The following DLG4 variants were observed in gnomAD, a reference collection of about 807,000 sequenced individuals.
DLG4 encodes discs large MAGUK scaffold protein 4, also known as disks large homolog 4.
A neutral mutation model predicts 93.8 loss-of-function variants in DLG4; 7 were observed. The observed-to-expected ratio is 0.07, with a 90% CI of 0.04 to 0.14. The LOEUF is 0.14. DLG4 is among the 10% of genes least tolerant of loss of function. The pLI is 1.00. For missense variants in DLG4, 545 were observed against 992.9 expected (o/e 0.55, Z 6.06); for synonymous variants, 341 against 387.6 (o/e 0.88, Z 1.41).
Position 7,196,568 on chromosome 17 carries a change from C to G in DLG4, c.1091G>C (p.Gly364Ala). 6.2e-7 allele frequency: 1 copy of G among 1,613,874 alleles called. No homozygotes were observed. The highest frequency in any genetic ancestry group is 8.5e-7 in the Non-Finnish European group (1 of 1,179,764). ...RKGDQILSVN[G>A]VDLRNASHEQ... ...ATGGCTGGCATTTCGGAGGTCCACA[C>G]CGTTGACCTAGAGAGAGGACGACAG... The change falls in exon 10 of 20, where the codon GGT becomes GCT. Residue 364 changes from glycine to alanine, a missense_variant. Coordinates refer to ENST00000399506, the MANE Select transcript of DLG4 (RefSeq NM_001321075.3). This position sits in a 1 kb window ranked among gnomAD's most constrained non-coding sequence, Gnocchi z 8.3.
At chr17:7,204,581 G>A (rs1403697651) in intron 2 of DLG4, among the ~76,000 whole-genome samples, 1 of 152,016 alleles carries the variant, frequency 6.6e-6, no homozygotes, top group Non-Finnish European at 1.5e-5. Flanking sequence ...GCAAAGAGTG[G>A]GGAGAGGGGG....
At chr17:7,213,913 G>A (rs944452089) in intron 1 of DLG4, 5 of 468,868 alleles carry the variant, frequency 1.1e-5, no homozygotes, top group African/African-American at 8.0e-5. Context: ...AGGATCCAAG[G>A]AGTCAGTGCG....
intron 1 of DLG4, among the ~76,000 whole-genome samples, chr17:7,209,016 C>T (rs1250709074): frequency 6.6e-6 from 1 of 152,142 alleles, no homozygotes; most frequent in Non-Finnish European, 1.5e-5. Context: ...GCTATAAGGG[C>T]ATGGGCTGGG....
rs374318389 is a variant in DLG4 at position 7,193,683 on chromosome 17, T to C, written c.1575A>G (p.Thr525=). ...AGGGCTCACCTTCCATCTGCGTCAC[T>C]GTCTCGTAGCTCAGAACCGAGTCTT... ...GREDSVLSYE[T]VTQMEVHYAR... Residue 525 remains threonine, a synonymous_variant, in exon 15 of 20, where the codon ACA becomes ACG. Coordinates refer to ENST00000399506, the MANE Select transcript of DLG4 (RefSeq NM_001321075.3). This position sits in a 1 kb window ranked among gnomAD's most constrained non-coding sequence, Gnocchi z 6.7. 28 of 1,555,076 alleles carry C rather than the reference T, an allele frequency of 1.8e-5. No homozygotes were observed. Among genetic ancestry groups the C allele is most frequent in the Non-Finnish European group, 1.7e-6 (2 of 1,150,762 alleles).
At chr17:7,202,417 C>G (rs1211083211) in intron 8 of DLG4, among the ~76,000 whole-genome samples, 1 of 152,104 alleles carries the variant, frequency 6.6e-6, no homozygotes, top group Non-Finnish European at 1.5e-5. Flanking sequence ...AATATTGAGC[C>G]ATCTTTAGTT....
intron 1 of DLG4, chr17:7,214,032 T>C: frequency 1.2e-5 from 4 of 345,464 alleles, no homozygotes; most frequent in South Asian, 8.8e-5. Context: ...CCCATTTCCC[T>C]TTTCCCTCCA....
At position 7,208,771 on chromosome 17, in the gene DLG4, C is replaced by T. The variant is rs1486696255; in HGVS notation, c.31-532G>A. ...CCCCACCTCCATGGCCTCAGTCTCC[C>T]CATTGCAGCCTCTACCCCACAGGTG... On this transcript the variant is annotated intron_variant, in intron 1 of 19. Coordinates refer to ENST00000399506, the MANE Select transcript of DLG4 (RefSeq NM_001321075.3). The surrounding 1 kb of genome is among the most constrained non-coding windows in gnomAD (Gnocchi z 5.4). Among the ~76,000 whole-genome samples, 5 of 152,070 alleles carry T rather than the reference C, an allele frequency of 3.3e-5. No homozygotes were observed. The highest frequency in any genetic ancestry group is 3.3e-4 in the Admixed American group (5 of 15,262).
rs2142882473 is a variant in DLG4 at position 7,203,023 on chromosome 17, C to T, written c.667G>A (p.Val223Ile). 4 of 1,611,376 alleles carry T rather than the reference C, an allele frequency of 2.5e-6. No homozygotes were observed. Among genetic ancestry groups the T allele is most frequent in the Non-Finnish European group, 3.4e-6 (4 of 1,177,600 alleles). The part of the protein sequence containing the change: ...LAVNSVGLED[V>I]MHEDAVAALK... ...GCTGCCACAGCATCTTCATGCATGA[C>T]GTCCTCTAGCCCCACACTGTTGACC... The change falls in exon 8 of 20, where the codon GTC becomes ATC. Residue 223 changes from valine (V) to isoleucine (I), a missense_variant. Around this residue, in one of 5 missense-constraint regions of DLG4, gnomAD observed 428 missense variants for 741.4 expected, o/e 0.58. Coordinates refer to ENST00000399506, the MANE Select transcript of DLG4 (RefSeq NM_001321075.3). This position sits in a 1 kb window ranked among gnomAD's most constrained non-coding sequence, Gnocchi z 7.2.
Position 7,198,482 on chromosome 17 carries a change from CA to C in DLG4, c.788-1431del, listed in dbSNP as rs35353536. ...TGGGTGACAGAGCGAGACTCCCTCT[CA>C]AAAAAAAAAAAAAAAAATTCCTCCA... is the stretch of plus-strand genomic sequence containing the variant. On this transcript the variant is annotated intron_variant, in intron 8 of 19. Coordinates refer to ENST00000399506, the MANE Select transcript of DLG4 (RefSeq NM_001321075.3). 2.7e-3 allele frequency among the ~76,000 whole-genome samples: 314 copies of C among 117,030 alleles called. 2 individuals are homozygous for C. The highest frequency in any genetic ancestry group is 0.012 in the East Asian group (47 of 3,928). The allele number at this position is 117,030 out of a possible 152,430, so 76.8% of individuals were successfully genotyped here.
At chr17:7,213,254 C>G (rs1484425097) in intron 1 of DLG4, among the ~76,000 whole-genome samples, 2 of 151,878 alleles carry the variant, frequency 1.3e-5, no homozygotes, top group Non-Finnish European at 2.9e-5. Flanking sequence ...CCCGCCACTA[C>G]GCCCGGCTAA....
chr17:7,191,522 AC>A lies in DLG4; in HGVS notation c.1977-165del, dbSNP rs2069495314. 7 of 625,224 alleles carry A rather than the reference AC, an allele frequency of 1.1e-5. No homozygotes were observed. The highest frequency in any genetic ancestry group is 2.8e-5 in the East Asian group (1 of 35,258). The allele number at this position is 625,224 out of a possible 1,614,324, so 38.7% of individuals were successfully genotyped here. A position where few individuals can be genotyped will look rare whatever the true frequency, so the allele number is the denominator to read the frequency against. On this transcript the variant is annotated intron_variant, in intron 18 of 19. Coordinates refer to ENST00000399506, the MANE Select transcript of DLG4 (RefSeq NM_001321075.3). This position sits in a 1 kb window ranked among gnomAD's most constrained non-coding sequence, Gnocchi z 6.6. The stretch of plus-strand genomic sequence containing the variant: ...GGGCCACAGATGAGAACCACCCCCC[AC>A]CCCCCTGCCACCCGCAACCGCCCCA...
chr17:7,200,479 T>C (rs2070061164), intron 8 of DLG4, among the ~76,000 whole-genome samples: 1 of 152,200 alleles, frequency 6.6e-6, no homozygotes, highest in South Asian at 2.1e-4. Flanking sequence ...TTTTATTCAC[T>C]ACATTTTCTT....
At chr17:7,201,353 C>T (rs759726399) in intron 8 of DLG4, among the ~76,000 whole-genome samples, 1 of 152,142 alleles carries the variant, frequency 6.6e-6, no homozygotes, top group Non-Finnish European at 1.5e-5. Context: ...ACCATAATTT[C>T]GCTGGGGCAA....
In DLG4 at chr17:7,208,525, C is replaced by T. The variant is rs2070584031; in HGVS notation, c.31-286G>A. Among the ~76,000 whole-genome samples the T allele has an allele frequency of 6.6e-6, 1 of 152,130 alleles. No individual in the cohort carries two copies. The highest frequency in any genetic ancestry group is 2.4e-5 in the African/African-American group (1 of 41,418). On this transcript the variant is annotated intron_variant, in intron 1 of 19. Coordinates refer to ENST00000399506, the MANE Select transcript of DLG4 (RefSeq NM_001321075.3). The surrounding 1 kb of genome is among the most constrained non-coding windows in gnomAD (Gnocchi z 5.4). ...CCTGGGACACTGGCCTTCTGGTGGG[C>T]ATAGCCCCTCTGGCATCTGTGTCTT...
At position 7,188,326 on chromosome 17, in the gene DLG4, T is replaced by C. The variant is rs1391843405; in HGVS notation, c.*2382A>G. Reference sequence around the variant, plus strand: ...ATGCCATCCACAGAATCACTACCCCTGGGTTGGTCTTTTGCATGAAACTCT... The same window carrying C: ...ATGCCATCCACAGAATCACTACCCCCGGGTTGGTCTTTTGCATGAAACTCT... On this transcript the variant is annotated 3_prime_UTR_variant, in exon 20 of 20. Transcript: ENST00000399506. Among the ~76,000 whole-genome samples the C allele has an allele frequency of 2.6e-5, 4 of 152,160 alleles. No homozygotes were observed. The highest frequency in any genetic ancestry group is 5.9e-5 in the Non-Finnish European group (4 of 68,020).
At chr17:7,192,032 GC>G in intron 17 of DLG4, 30 bp from the exon 18 acceptor site, 1 of 1,274,414 alleles carries the variant, frequency 7.8e-7, no homozygotes, top group Non-Finnish European at 1.1e-6. Context: ...GCGGAGGGGG[GC>G]CAGCGGGTGG....
chr17:7,193,359 G>A lies in DLG4; in HGVS notation c.1693+124C>T. On this transcript the variant is annotated intron_variant, in intron 16 of 19. Coordinates refer to ENST00000399506, the MANE Select transcript of DLG4 (RefSeq NM_001321075.3). This position sits in a 1 kb window ranked among gnomAD's most constrained non-coding sequence, Gnocchi z 6.7. ...GGTGGCTGAGAAGCACCCCTTCTCG[G>A]AGAAACCCTGTATCTCCCTACACAC... 1 of 1,114,074 alleles carries A rather than the reference G, an allele frequency of 9.0e-7. No homozygotes were observed. 69.0% of individuals were successfully genotyped at this position (1,114,074 alleles called of 1,614,324 possible). A position where few individuals can be genotyped will look rare whatever the true frequency, so the allele number is the denominator to read the frequency against.
chr17:7,212,987 C>G (rs574403124), intron 1 of DLG4, among the ~76,000 whole-genome samples: 69 of 152,068 alleles, frequency 4.5e-4, no homozygotes, highest in African/African-American at 1.4e-3. Flanking sequence ...GAGCCGAGAT[C>G]GTGCCACTGC....
chr17:7,190,936 G>A, intron 19 of DLG4, 122 bp from the exon 20 acceptor site: 1 of 769,164 alleles, frequency 1.3e-6, no homozygotes, highest in Non-Finnish European at 2.2e-6. Context: ...ATAAGTCCTG[G>A]GGCTGCACCC....
Sources: gnomAD v4.1 joint callset for allele counts (sites outside exome capture counted in the v4.1 genomes callset) on GRCh38, gnomAD v4.1.1 for gene constraint, gnomAD v4.1.1 regional missense constraint, Gnocchi (gnomAD v3.1) non-coding constraint, MANE v1.5 for transcripts, NCBI Gene and HGNC (gene_info 2026-07-23, HGNC 2026-07-21) for gene names.